ITPRID1: variants seen among roughly 807,000 people sequenced by gnomAD.
ITPRID1 encodes ITPR interacting domain containing 1, also known as protein ITPRID1.
In ITPRID1, 96 loss-of-function variants were observed where a neutral mutation model predicts 95.4. The ratio of observed to expected loss-of-function variants is 1.01; its 90% CI spans 0.85 to 1.19. ITPRID1 has a LOEUF of 1.19. ITPRID1 is among the 50% of genes most tolerant of loss of function. ITPRID1 has a pLI of 0.00. For synonymous variants in ITPRID1, 510 were observed against 453.6 expected, an observed-to-expected ratio of 1.12 and a Z score of -1.58; for missense variants, 1,339 against 1,252.9, an observed-to-expected ratio of 1.07 and a Z score of -1.04.
In ITPRID1 at chr7:31,574,626, G is replaced by A; in HGVS notation, c.482G>A (p.Cys161Tyr). Residue 161 changes from cysteine (C) to tyrosine (Y), a missense_variant, in exon 8 of 15, where the codon TGC (cysteine) becomes TAC (tyrosine). By Grantham distance (194) the Cys-to-Tyr change is radical. Transcript: ENST00000615280. ...TTTGGTGCTGATGAGCCAGACATCT[G>A]CATGCAAATCCCAGCCAGATTCCTT... ...LGFGADEPDI[C>Y]MQIPARFLGC... The A allele has an allele frequency of 1.2e-6, 2 of 1,613,940 alleles. No individual in the cohort carries two copies. The highest frequency in any genetic ancestry group is 1.7e-6 in the Non-Finnish European group (2 of 1,179,842).
chr7:31,616,532 T>C (rs928803189), intron 10 of ITPRID1, among the ~76,000 whole-genome samples: 1 of 151,308 alleles, frequency 6.6e-6, no homozygotes, highest in Non-Finnish European at 1.5e-5. Context: ...AAGGAGGTCA[T>C]CTGCCCATCA....
chr7:31,608,818 G>C (rs1327753053), intron 10 of ITPRID1, among the ~76,000 whole-genome samples: 1 of 151,420 alleles, frequency 6.6e-6, no homozygotes, highest in Non-Finnish European at 1.5e-5. Flanking sequence ...TTCTTCCTTT[G>C]ATTCTGAATT....
intron 10 of ITPRID1, among the ~76,000 whole-genome samples, chr7:31,625,515 T>C (rs187977721): frequency 2.6e-5 from 4 of 152,176 alleles, no homozygotes; most frequent in South Asian, 2.1e-4. Flanking sequence ...AATAAACTAT[T>C]GCAAGAACAA....
intron 10 of ITPRID1, among the ~76,000 whole-genome samples, chr7:31,599,856 C>T (rs960437852): frequency 1.3e-5 from 2 of 151,728 alleles, no homozygotes; most frequent in Middle Eastern, 3.2e-3. Flanking sequence ...CCACCACGCC[C>T]GGCTAAGTTT....
At chr7:31,650,481 C>T (rs997553673) in intron 12 of ITPRID1, among the ~76,000 whole-genome samples, 4 of 152,226 alleles carry the variant, frequency 2.6e-5, no homozygotes, top group African/African-American at 9.6e-5. Context: ...AAGAGTTAAA[C>T]GATGACTACA....
At chr7:31,519,620 C>CTCTCTCTATATATATA in intron 1 of ITPRID1, among the ~76,000 whole-genome samples, 24 of 25,254 alleles carry the variant, frequency 9.5e-4, no homozygotes, top group East Asian at 3.0e-3. Flanking sequence ...CTCTCTCTCT[C>CTCTCTCTATATATATA]TATATATATA....
chr7:31,610,786 G>A (rs1276411514), intron 10 of ITPRID1, among the ~76,000 whole-genome samples: 2 of 151,248 alleles, frequency 1.3e-5, no homozygotes, highest in Non-Finnish European at 3.0e-5. Flanking sequence ...TTCCAGCTAC[G>A]TTTTGGTTAC....
At chr7:31,570,103 A>T (rs935972343) in intron 6 of ITPRID1, among the ~76,000 whole-genome samples, 2 of 152,210 alleles carry the variant, frequency 1.3e-5, no homozygotes, top group Non-Finnish European at 2.9e-5. Context: ...GTTCATAAGG[A>T]CCTGTTTATA....
chr7:31,649,220 G>T (rs1444610796), intron 12 of ITPRID1, among the ~76,000 whole-genome samples: 1 of 152,212 alleles, frequency 6.6e-6, no homozygotes, highest in Non-Finnish European at 1.5e-5. Context: ...TCTTAGGAAA[G>T]TATTTCCATT....
chr7:31,529,882 A>G (rs1266450889), intron 1 of ITPRID1: 5 of 1,309,540 alleles, frequency 3.8e-6, no homozygotes, highest in African/African-American at 2.9e-5. Flanking sequence ...GGGGAGGGGT[A>G]TTAGCTGTCT....
intron 10 of ITPRID1, among the ~76,000 whole-genome samples, chr7:31,589,072 G>A (rs1177761755): frequency 6.6e-6 from 1 of 152,012 alleles, no homozygotes; most frequent in African/African-American, 2.4e-5. Flanking sequence ...TAATTATGCT[G>A]AAGGATGTAG....
At chr7:31,624,862 C>T (rs1339220631) in intron 10 of ITPRID1, among the ~76,000 whole-genome samples, 1 of 152,126 alleles carries the variant, frequency 6.6e-6, no homozygotes, top group African/African-American at 2.4e-5. Flanking sequence ...AAAATTTTCG[C>T]AACCTATTCA....
intron 1 of ITPRID1, among the ~76,000 whole-genome samples, chr7:31,522,995 C>G: frequency 6.6e-6 from 1 of 152,180 alleles, no homozygotes; most frequent in Non-Finnish European, 1.5e-5. Flanking sequence ...AACCTTGGAT[C>G]TTCAGTTTCT....
At chr7:31,615,752 CTTTTTTT>C (rs11324820) in intron 10 of ITPRID1, among the ~76,000 whole-genome samples, 6 of 143,412 alleles carry the variant, frequency 4.2e-5, no homozygotes, top group African/African-American at 5.3e-5. Flanking sequence ...ACTGAGAATT[CTTTTTTT>C]TTTTTTTTTT....
chr7:31,599,741 G>A (rs1377337735), intron 10 of ITPRID1, among the ~76,000 whole-genome samples: 5 of 132,904 alleles, frequency 3.8e-5, no homozygotes, highest in East Asian at 4.6e-4. Flanking sequence ...TCTCTCTGTC[G>A]CCCAGGCTGG....
rs987973451 is a variant in ITPRID1 at position 31,554,988 on chromosome 7, C to G, written c.256+87C>G. 13 of 999,376 alleles carry G rather than the reference C, an allele frequency of 1.3e-5. No individual in the cohort carries two copies. The African/African-American group carries it at 1.5e-4, about 11-fold the overall frequency. The allele number at this position is 999,376 out of a possible 1,614,324, so 61.9% of individuals were successfully genotyped here. A position where few individuals can be genotyped will look rare whatever the true frequency, so the allele number is the denominator to read the frequency against. On this transcript the variant is annotated intron_variant, in intron 5 of 14. Transcript: ENST00000615280. Reference sequence around the variant, plus strand: ...CGTGAATAAATCTTCTTAAAATGAGCATTATCAGAGGCTTCTAGAAATGAT... The same window carrying G: ...CGTGAATAAATCTTCTTAAAATGAGGATTATCAGAGGCTTCTAGAAATGAT...
chr7:31,599,281 A>C (rs1438691103), intron 10 of ITPRID1, among the ~76,000 whole-genome samples: 1 of 152,162 alleles, frequency 6.6e-6, no homozygotes, highest in East Asian at 1.9e-4. Flanking sequence ...TACAAATATA[A>C]GTTGGGGGTA....
Position 31,517,755 on chromosome 7 carries a change from C to G in ITPRID1, c.-98+3635C>G, listed in dbSNP as rs1226345430. 5.2e-5 allele frequency: 8 copies of G among 152,592 alleles called. No homozygotes were observed. The East Asian group carries it at 1.5e-3, about 29-fold the overall frequency. 9.5% of individuals were successfully genotyped at this position (152,592 alleles called of 1,614,324 possible). A position where few individuals can be genotyped will look rare whatever the true frequency, so the allele number is the denominator to read the frequency against. ...GCCTCAGCCAGCCCCAGAGACAGGCCCCCACAGCACAGCGGCGGGCTGAAG... is the reference window on the plus strand; with the variant it reads ...GCCTCAGCCAGCCCCAGAGACAGGCGCCCACAGCACAGCGGCGGGCTGAAG... On this transcript the variant is annotated intron_variant, in intron 1 of 14. Coordinates refer to ENST00000615280, the MANE Select transcript of ITPRID1 (RefSeq NM_001257967.3).
intron 10 of ITPRID1, among the ~76,000 whole-genome samples, chr7:31,591,870 A>T (rs1023805612): frequency 6.6e-6 from 1 of 152,246 alleles, no homozygotes; most frequent in Non-Finnish European, 1.5e-5. Context: ...TAGTTACTAA[A>T]TTCAGGCACC....
Sources: gnomAD v4.1 joint callset for allele counts (sites outside exome capture counted in the v4.1 genomes callset) on GRCh38, gnomAD v4.1.1 for gene constraint, MANE v1.5 for transcripts, NCBI Gene and HGNC (gene_info 2026-07-23, HGNC 2026-07-21) for gene names.